The following ADCY1 variants were observed in gnomAD, a reference collection of about 807,000 sequenced individuals.
The protein encoded by ADCY1 is adenylate cyclase 1.
Under a neutral mutation model 105.4 loss-of-function variants are expected in ADCY1, and 28 were observed. The ratio of observed to expected loss-of-function variants is 0.27; its 90% CI spans 0.20 to 0.36. The LOEUF (loss-of-function observed/expected upper bound fraction) is 0.36, where lower values mean the gene tolerates loss of function less well. Ranked by LOEUF, ADCY1 falls within the 10% of genes least tolerant of loss-of-function variation. The pLI is 1.00. For synonymous variants in ADCY1, 655 were observed against 623.8 expected (o/e 1.05, Z -0.75); for missense variants, 977 against 1,434.2 (o/e 0.68, Z 5.15).
intron 19 of ADCY1, among the ~76,000 whole-genome samples, chr7:45,711,740 T>C (rs1026543793): frequency 8.4e-5 from 12 of 143,172 alleles, no homozygotes; most frequent in African/African-American, 1.3e-4. Context: ...TGTGTGTATA[T>C]ATACGTGTGT....
chr7:45,658,769 C>T (rs1035504814), intron 6 of ADCY1, among the ~76,000 whole-genome samples: 2 of 152,232 alleles, frequency 1.3e-5, no homozygotes, highest in Non-Finnish European at 2.9e-5. Context: ...CAGACAGCCT[C>T]GGTGACCGTT....
Position 45,574,416 on chromosome 7 carries a change from C to T in ADCY1, c.-128C>T, listed in dbSNP as rs1273158666. 2 of 139,532 alleles carry T rather than the reference C, an allele frequency of 1.4e-5. No individual in the cohort carries two copies. Among genetic ancestry groups the T allele is most frequent in the Admixed American group, 1.4e-4 (2 of 14,288 alleles). The allele number at this position is 139,532 out of a possible 1,614,324, so 8.6% of individuals were successfully genotyped here. On this transcript the variant is annotated 5_prime_UTR_variant, in exon 1 of 20. Coordinates refer to ENST00000297323, the MANE Select transcript of ADCY1 (RefSeq NM_021116.4). This position sits in a 1 kb window ranked among gnomAD's most constrained non-coding sequence, Gnocchi z 7.0. ...GGGCAGCCGGCGCCCCAACTCCGCC[C>T]GCCCCGCGCCCCGCGCCCCGGCGCC...
At chr7:45,625,377 C>T (rs532034045) in intron 4 of ADCY1, among the ~76,000 whole-genome samples, 14 of 152,246 alleles carry the variant, frequency 9.2e-5, no homozygotes, top group African/African-American at 1.9e-4. Context: ...GAGTGGGTGA[C>T]GTACGTGGTG....
chr7:45,682,021 G>C (rs183866656), intron 11 of ADCY1, among the ~76,000 whole-genome samples: 20 of 152,288 alleles, frequency 1.3e-4, no homozygotes, highest in African/African-American at 4.8e-4. Flanking sequence ...GTCAACTCCA[G>C]GCTTGGGCTC....
chr7:45,632,687 C>G (rs1363406488), intron 4 of ADCY1, among the ~76,000 whole-genome samples: 1 of 152,064 alleles, frequency 6.6e-6, no homozygotes, highest in Non-Finnish European at 1.5e-5. Flanking sequence ...CTTCAGCCTC[C>G]TGAGTAGCTG....
intron 14 of ADCY1, among the ~76,000 whole-genome samples, chr7:45,700,026 TG>T (rs1236507057): frequency 5.3e-5 from 8 of 152,126 alleles, no homozygotes; most frequent in Non-Finnish European, 1.2e-4. Context: ...TCTTTGTCCC[TG>T]AAAGTCAGTG....
At chr7:45,669,236 A>G (rs372707649) in intron 8 of ADCY1, among the ~76,000 whole-genome samples, 4 of 152,078 alleles carry the variant, frequency 2.6e-5, no homozygotes, top group Non-Finnish European at 4.4e-5. Context: ...TGTCAATTTT[A>G]GATCTTTCCT....
intron 19 of ADCY1, among the ~76,000 whole-genome samples, chr7:45,711,889 T>TATATTATATTAAATATATAAATATA (rs1453904578): frequency 4.3e-5 from 4 of 92,150 alleles, no homozygotes; most frequent in Non-Finnish European, 5.8e-5. Context: ...TATAAATATA[T>TATATTATATTAAATATATAAATATA]TTATATATTA....
At chr7:45,664,218 A>G (rs1167474464) in intron 8 of ADCY1, 9 of 1,422,506 alleles carry the variant, frequency 6.3e-6, no homozygotes, top group Non-Finnish European at 7.7e-6. Flanking sequence ...GAGAAGTTTC[A>G]GAGCCTGGCT....
At position 45,574,602 on chromosome 7, in the gene ADCY1, G is replaced by A. The variant is rs1050576340; in HGVS notation, c.59G>A (p.Gly20Asp). The change falls in exon 1 of 20, where the codon GGC (glycine) becomes GAC (aspartate). Residue 20 changes from glycine (G) to aspartate (D), a missense_variant. This residue lies in a region of ADCY1 where 209 missense variants were observed against 222.5 expected (regional missense o/e 0.94). Coordinates refer to ENST00000297323, the MANE Select transcript of ADCY1 (RefSeq NM_021116.4). The surrounding 1 kb of genome is among the most constrained non-coding windows in gnomAD (Gnocchi z 7.0). ...GGGGGAGEPG[G>D]AERAAGTSRR... ...GGAGGCGGCGCGGGCGAGCCCGGGG[G>A]CGCCGAGCGGGCGGCCGGGACAAGC... 13 of 1,115,658 alleles carry A rather than the reference G, an allele frequency of 1.2e-5. No individual in the cohort carries two copies. Among genetic ancestry groups the A allele is most frequent in the Non-Finnish European group, 1.4e-5 (13 of 915,006 alleles). The allele number at this position is 1,115,658 out of a possible 1,614,324, so 69.1% of individuals were successfully genotyped here.
intron 8 of ADCY1, chr7:45,664,638 GTCTGTATTTTTTTAATAAACT>G: frequency 1.5e-6 from 1 of 686,206 alleles, no homozygotes; most frequent in Non-Finnish European, 2.0e-6. Context: ...AAGTTTGTGT[GTCTGTATTTTTTTAATAAACT>G]TGACTGGATG....
chr7:45,722,058 GAA>G lies in ADCY1; in HGVS notation c.*8064_*8065del, dbSNP rs1785485252. On this transcript the variant is annotated 3_prime_UTR_variant, in exon 20 of 20. Coordinates refer to ENST00000297323, the MANE Select transcript of ADCY1 (RefSeq NM_021116.4). ...TGGGAAGCTGGCCCGACGGCAGCCAGAACTTGTTTCTCACCTCCCACCAGCAA... is the reference window on the plus strand; with the variant it reads ...TGGGAAGCTGGCCCGACGGCAGCCAGCTTGTTTCTCACCTCCCACCAGCAA... 1 of 377,408 alleles carries G rather than the reference GAA, an allele frequency of 2.6e-6. No individual in the cohort carries two copies. The highest frequency in any genetic ancestry group is 4.7e-6 in the Non-Finnish European group (1 of 212,898). The allele number at this position is 377,408 out of a possible 1,614,324, so 23.4% of individuals were successfully genotyped here.
intron 5 of ADCY1, among the ~76,000 whole-genome samples, chr7:45,657,504 C>T (rs1584309490): frequency 6.6e-6 from 1 of 152,324 alleles, no homozygotes; most frequent in Non-Finnish European, 1.5e-5. Flanking sequence ...TGGCTGGGAG[C>T]ATGGGCCAGA....
intron 8 of ADCY1, among the ~76,000 whole-genome samples, chr7:45,675,774 G>A (rs1439131044): frequency 6.6e-6 from 1 of 151,950 alleles, no homozygotes; most frequent in African/African-American, 2.4e-5. Context: ...GTTTTCTCAT[G>A]CTGCTTTCAA....
At chr7:45,680,956 A>G (rs974107750) in intron 11 of ADCY1, among the ~76,000 whole-genome samples, 9 of 152,254 alleles carry the variant, frequency 5.9e-5, no homozygotes, top group African/African-American at 2.2e-4. Context: ...GTCCTGGCCC[A>G]GGAATACTGA....
intron 19 of ADCY1, among the ~76,000 whole-genome samples, chr7:45,713,050 GC>G: frequency 6.6e-6 from 1 of 152,230 alleles, no homozygotes; most frequent in South Asian, 2.1e-4. Context: ...CCATGCTGCT[GC>G]CCCCAGCAGT....
chr7:45,594,394 A>G (rs542159095), intron 2 of ADCY1, among the ~76,000 whole-genome samples: 15 of 152,332 alleles, frequency 9.8e-5, no homozygotes, highest in Admixed American at 5.9e-4. Flanking sequence ...TGTTACCACC[A>G]TAAGATCCCA....
chr7:45,649,339 A>G (rs1471915134), intron 5 of ADCY1, among the ~76,000 whole-genome samples: 1 of 152,178 alleles, frequency 6.6e-6, no homozygotes, highest in Admixed American at 6.5e-5. Context: ...TGTCCTTATC[A>G]GAGACTGGGA....
intron 5 of ADCY1, among the ~76,000 whole-genome samples, chr7:45,655,976 G>GA (rs1436824505): frequency 6.6e-6 from 1 of 151,856 alleles, no homozygotes; most frequent in African/African-American, 2.4e-5. Flanking sequence ...GCAAACAACT[G>GA]AAAAAAAGTT....
Sources: gnomAD v4.1 joint callset for allele counts (sites outside exome capture counted in the v4.1 genomes callset) on GRCh38, gnomAD v4.1.1 for gene constraint, gnomAD v4.1.1 regional missense constraint, Gnocchi (gnomAD v3.1) non-coding constraint, MANE v1.5 for transcripts, NCBI Gene and HGNC (gene_info 2026-07-23, HGNC 2026-07-21) for gene names.